The following GYG2 variants were observed in gnomAD, a reference collection of about 807,000 sequenced individuals.
The protein encoded by GYG2 is glycogenin-2.
Under a neutral mutation model 29.4 loss-of-function variants are expected in GYG2, and 29 were observed. That is an observed-to-expected ratio of 0.99 (90% CI 0.74 to 1.35). The LOEUF is 1.35. Ranked by LOEUF, GYG2 falls within the 40% of genes most tolerant of loss-of-function variation. The pLI is 0.00. For synonymous variants in GYG2, 167 were observed against 172.3 expected, an observed-to-expected ratio of 0.97 and a Z score of 0.24; for missense variants, 370 against 385.7, an observed-to-expected ratio of 0.96 and a Z score of 0.34.
Position 2,881,313 on chromosome X carries a change from T to G in GYG2, c.*100T>G, listed in dbSNP as rs767123474. 2 of 695,475 alleles carry G rather than the reference T, an allele frequency of 2.9e-6. No homozygotes were observed. Among genetic ancestry groups the G allele is most frequent in the South Asian group, 5.9e-5 (2 of 33,754 alleles). 57.3% of individuals were successfully genotyped at this position (695,475 alleles called of 1,213,427 possible). A position where few individuals can be genotyped will look rare whatever the true frequency, so the allele number is the denominator to read the frequency against. ...TGGTCCTTTCAAAGGGAAACGCTGT[T>G]GAACCTTGTGCCTCTATTTATGCTT... On this transcript the variant is annotated 3_prime_UTR_variant, in exon 11 of 11. Coordinates refer to ENST00000398806, the MANE Select transcript of GYG2 (RefSeq NM_001079855.2).
At chrX:2,868,855 C>G (rs760100254) in intron 8 of GYG2, among the ~76,000 whole-genome samples, 7 of 111,340 alleles carry the variant, frequency 6.3e-5, no homozygotes, top group Non-Finnish European at 1.1e-4. Context: ...AAACAAAACT[C>G]TTTTTAACAA....
rs1569076214 is a variant in GYG2, at chrX:2,876,771, A to C, written c.1144-429A>C. 2.8e-5 allele frequency among the ~76,000 whole-genome samples: 3 copies of C among 108,711 alleles called. No homozygotes were observed. In the Admixed American group the frequency reaches 3.0e-4, roughly 11 times the overall value. 94.4% of individuals were successfully genotyped at this position (108,711 alleles called of 115,157 possible). A position where few individuals can be genotyped will look rare whatever the true frequency, so the allele number is the denominator to read the frequency against. On this transcript the variant is annotated intron_variant, in intron 9 of 10. Coordinates refer to ENST00000398806, the MANE Select transcript of GYG2 (RefSeq NM_001079855.2). ...AGACCATCCTGGCTAACACGGTGAA[A>C]CCCCCGTCTCTACTAAAAATACAAA...
At chrX:2,865,400 G>T (rs765898961) in intron 8 of GYG2, among the ~76,000 whole-genome samples, 2 of 111,783 alleles carry the variant, frequency 1.8e-5, no homozygotes, top group African/African-American at 6.5e-5. Context: ...TATTAATCTC[G>T]ATGGAATTGT....
chrX:2,849,471 CTATTA>C (rs1569060593), intron 3 of GYG2, among the ~76,000 whole-genome samples: 1 of 111,967 alleles, frequency 8.9e-6, no homozygotes, highest in Non-Finnish European at 1.9e-5. Context: ...GAAGTAACTC[CTATTA>C]TATTTCAGCT....
rs2088695811 is a variant in GYG2, at chrX:2,880,430, GTGTGTGTGTGCACATGCGCATGTGTGCA to G, written c.1252-612_1252-585del. Among the ~76,000 whole-genome samples, 4 of 111,220 alleles carry G rather than the reference GTGTGTGTGTGCACATGCGCATGTGTGCA, an allele frequency of 3.6e-5. No individual in the cohort carries two copies. In the South Asian group the frequency reaches 1.1e-3, roughly 32 times the overall value. ...GTATTAAATTAGTGTGTGTGTGTGT[GTGTGTGTGTGCACATGCGCATGTGTGCA>G]TGTGTGTGTTTAAAATGGTTTAGTG... On this transcript the variant is annotated intron_variant, in intron 10 of 10. Coordinates refer to ENST00000398806, the MANE Select transcript of GYG2 (RefSeq NM_001079855.2).
intron 9 of GYG2, among the ~76,000 whole-genome samples, chrX:2,876,567 C>G (rs906032663): frequency 8.1e-5 from 9 of 111,432 alleles, no homozygotes; most frequent in Non-Finnish European, 1.5e-4. Context: ...TGGTGGATGG[C>G]TCAGAAAAAG....
chrX:2,839,986 G>T (rs1456471691), intron 2 of GYG2, among the ~76,000 whole-genome samples: 3 of 112,010 alleles, frequency 2.7e-5, no homozygotes, highest in Non-Finnish European at 5.6e-5. Flanking sequence ...ACAACATTGC[G>T]CATGGACTAA....
At chrX:2,854,262 C>A in intron 4 of GYG2, 108 bp downstream of exon 4, 1 of 530,134 alleles carries the variant, frequency 1.9e-6, no homozygotes, top group Non-Finnish European at 3.0e-6. Context: ...CGCTCTGTCA[C>A]CCAAGCTGGA....
At position 2,851,782 on chromosome X, in the gene GYG2, G is replaced by A. The variant is rs772134988; in HGVS notation, c.150-2198G>A. 3.6e-5 allele frequency among the ~76,000 whole-genome samples: 4 copies of A among 111,923 alleles called. No homozygotes were observed. The Admixed American group carries it at 3.8e-4, about 11-fold the overall frequency. The stretch of plus-strand genomic sequence containing the variant: ...TAGTAATGGAAAATATCTTGGCATA[G>A]ACATTATACAAACAGCCTGTTTCTT... On this transcript the variant is annotated intron_variant, in intron 3 of 10. Transcript: ENST00000398806.
intron 2 of GYG2, among the ~76,000 whole-genome samples, chrX:2,836,229 G>A (rs2087368666): frequency 9.0e-6 from 1 of 111,374 alleles, no homozygotes; most frequent in South Asian, 3.8e-4. Context: ...GGCAGCTGAT[G>A]GCTTTCACTG....
In GYG2 at chrX:2,856,510, G is replaced by C. The variant is rs1264069551; in HGVS notation, c.500G>C (p.Gly167Ala). 2 of 1,209,483 alleles carry C rather than the reference G, an allele frequency of 1.7e-6. No homozygotes were observed. Among genetic ancestry groups the C allele is most frequent in the South Asian group, 1.8e-5 (1 of 56,786 alleles). ...EHGSFDGADQGLLNSFFRNWS... is the reference protein window; with the variant it reads ...EHGSFDGADQALLNSFFRNWS... The stretch of plus-strand genomic sequence containing the variant: ...GCTCATTATGTAGGGGCAGACCAAG[G>C]CTTACTGAATAGTTTCTTCAGGAAC... The change falls in exon 6 of 11, where the codon GGC (glycine) becomes GCC (alanine). Residue 167 changes from glycine to alanine, a missense_variant. Gly to Ala is a moderately conservative substitution (Grantham distance 60, BLOSUM62 0). Coordinates refer to ENST00000398806, the MANE Select transcript of GYG2 (RefSeq NM_001079855.2).
chrX:2,850,354 C>A (rs2087841494), intron 3 of GYG2, among the ~76,000 whole-genome samples: 1 of 111,669 alleles, frequency 9.0e-6, no homozygotes, highest in Non-Finnish European at 1.9e-5. Flanking sequence ...TAGGTAATGA[C>A]TATATTTGAT....
At chrX:2,832,529 G>A (rs2087287939) in intron 2 of GYG2, among the ~76,000 whole-genome samples, 1 of 111,216 alleles carries the variant, frequency 9.0e-6, no homozygotes, top group South Asian at 3.8e-4. Flanking sequence ...GTGTGTCTGT[G>A]TCCTAATCGC....
chrX:2,864,799 G>T (rs1334539692), intron 8 of GYG2, among the ~76,000 whole-genome samples: 15 of 105,349 alleles, frequency 1.4e-4, no homozygotes, highest in Non-Finnish European at 2.9e-4. Context: ...TCACTCGATC[G>T]CCCAGGCTGA....
rs2088582483 is a variant in GYG2 at position 2,875,918 on chromosome X, T to G, written c.1143+4T>G. 7.7e-6 allele frequency: 8 copies of G among 1,043,409 alleles called. No individual in the cohort carries two copies. Among genetic ancestry groups the G allele is most frequent in the South Asian group, 1.9e-5 (1 of 52,538 alleles). The allele number at this position is 1,043,409 out of a possible 1,213,427, so 86.0% of individuals were successfully genotyped here. A position where few individuals can be genotyped will look rare whatever the true frequency, so the allele number is the denominator to read the frequency against. On this transcript the variant is annotated splice_donor_region_variant and intron_variant, in intron 9 of 10. Coordinates refer to ENST00000398806, the MANE Select transcript of GYG2 (RefSeq NM_001079855.2). The stretch of plus-strand genomic sequence containing the variant: ...CACAGAGACTGAAACCATCTTGGTA[T>G]TCCTCATCTATATGACCTACACATG...
At chrX:2,837,847 A>G (rs2087408491) in intron 2 of GYG2, among the ~76,000 whole-genome samples, 1 of 59,218 alleles carries the variant, frequency 1.7e-5, no homozygotes, top group South Asian at 8.8e-4. Context: ...ATACACACAC[A>G]CACACACACA....
chrX:2,867,305 C>T (rs2088321136), intron 8 of GYG2, among the ~76,000 whole-genome samples: 1 of 111,260 alleles, frequency 9.0e-6, no homozygotes, highest in South Asian at 3.8e-4. Flanking sequence ...TTCAAAACAT[C>T]AATGGAAGAT....
rs1253017268 is a variant in GYG2 at position 2,830,198 on chromosome X, G to A, written c.7+3G>A. 13 of 1,203,259 alleles carry A rather than the reference G, an allele frequency of 1.1e-5. No homozygotes were observed. Among genetic ancestry groups the A allele is most frequent in the African/African-American group, 1.7e-5 (1 of 57,297 alleles). ...CGCGGCGCCACTGACCATGTCGGGTGAGTAGCTCAAGCTGCTTCAGTTCAG... is the reference window on the plus strand; with the variant it reads ...CGCGGCGCCACTGACCATGTCGGGTAAGTAGCTCAAGCTGCTTCAGTTCAG... On this transcript the variant is annotated splice_donor_region_variant and intron_variant, in intron 2 of 10. Coordinates refer to ENST00000398806, the MANE Select transcript of GYG2 (RefSeq NM_001079855.2).
In GYG2 at chrX:2,859,369, C is replaced by G. The variant is rs2088100249; in HGVS notation, c.615-474C>G. On this transcript the variant is annotated intron_variant, in intron 6 of 10. Coordinates refer to ENST00000398806, the MANE Select transcript of GYG2 (RefSeq NM_001079855.2). ...GTTACTATTGGTTATATATTGATTA[C>G]TATGCTAGTAGTAGTATATTGTTGA... is the stretch of plus-strand genomic sequence containing the variant. 1.8e-5 allele frequency among the ~76,000 whole-genome samples: 2 copies of G among 110,628 alleles called. 1 individual carries two copies. Among genetic ancestry groups the G allele is most frequent in the South Asian group, 7.6e-4 (2 of 2,628 alleles).
Sources: gnomAD v4.1 joint callset for allele counts (sites outside exome capture counted in the v4.1 genomes callset) on GRCh38, gnomAD v4.1.1 for gene constraint, MANE v1.5 for transcripts, NCBI Gene and HGNC (gene_info 2026-07-23, HGNC 2026-07-21) for gene names.